Variants in NRDE2 observed in about 807,000 individuals in gnomAD.
NRDE2 encodes the protein NRDE-2, necessary for RNA interference, domain containing.
A neutral mutation model predicts 124.2 loss-of-function variants in NRDE2; 76 were observed. That is an observed-to-expected ratio of 0.61 (90% CI 0.51 to 0.74). The LOEUF (loss-of-function observed/expected upper bound fraction) is 0.74, where lower values mean the gene tolerates loss of function less well. Ranked by LOEUF, NRDE2 falls within the 30% of genes least tolerant of loss-of-function variation. The pLI is 0.00. For missense variants in NRDE2, 1,314 were observed against 1,417.3 expected (o/e 0.93, Z 1.17); for synonymous variants, 489 against 528.1 (o/e 0.93, Z 1.01).
rs1891718785 is a variant in NRDE2 at position 90,273,409 on chromosome 14, T to A, written c.*4927A>T. 3.3e-5 allele frequency: 5 copies of A among 151,850 alleles called. No homozygotes were observed. Among genetic ancestry groups the A allele is most frequent in the Admixed American group, 3.3e-4 (5 of 15,240 alleles). 9.4% of individuals were successfully genotyped at this position (151,850 alleles called of 1,614,324 possible). A position where few individuals can be genotyped will look rare whatever the true frequency, so the allele number is the denominator to read the frequency against. On this transcript the variant is annotated 3_prime_UTR_variant, in exon 14 of 14. Coordinates refer to ENST00000354366, the MANE Select transcript of NRDE2 (RefSeq NM_017970.4). The stretch of plus-strand genomic sequence containing the variant: ...CCCATCTTTACTAAAAATACAAAAA[T>A]TAGCTGTGCGTGGTGGCAGGTGCCT...
At chr14:90,316,320 C>T (rs1324243761) in intron 3 of NRDE2, among the ~76,000 whole-genome samples, 1 of 152,206 alleles carries the variant, frequency 6.6e-6, no homozygotes, top group Non-Finnish European at 1.5e-5. Flanking sequence ...CACTGTGGCA[C>T]ATCTGCCATC....
At chr14:90,309,982 T>G (rs1283115051) in intron 4 of NRDE2, among the ~76,000 whole-genome samples, 1 of 152,136 alleles carries the variant, frequency 6.6e-6, no homozygotes, top group Non-Finnish European at 1.5e-5. Context: ...GAGCCACTCT[T>G]TGTTAGTACA....
At chr14:90,294,789 T>C (rs1327819139) in intron 8 of NRDE2, among the ~76,000 whole-genome samples, 2 of 152,212 alleles carry the variant, frequency 1.3e-5, no homozygotes, top group African/African-American at 4.8e-5. Flanking sequence ...GTACTTAATG[T>C]CACTCAACTG....
chr14:90,282,380 G>A (rs922941589), intron 12 of NRDE2, among the ~76,000 whole-genome samples: 6 of 151,940 alleles, frequency 3.9e-5, no homozygotes, highest in African/African-American at 1.5e-4. Flanking sequence ...GGAGGCTGAC[G>A]TGAGAGGATT....
Position 90,298,315 on chromosome 14 carries a change from G to T in NRDE2, c.1611C>A (p.Gly537=). The change falls in exon 8 of 14, where the codon GGC becomes GGA. Residue 537 remains glycine (G), a synonymous_variant. Coordinates refer to ENST00000354366, the MANE Select transcript of NRDE2 (RefSeq NM_017970.4). ...EPRAGEKGAR[G]WKAWMHQQER... is the part of the protein sequence containing the mutation. ...CCTGCTGGTGCATCCACGCCTTCCA[G>T]CCTCGGGCTCCCTTCTCCCCAGCCC... is the stretch of plus-strand genomic sequence containing the variant. 6.2e-7 allele frequency: 1 copy of T among 1,613,736 alleles called. No individual in the cohort carries two copies. Among genetic ancestry groups the T allele is most frequent in the Non-Finnish European group, 8.5e-7 (1 of 1,179,966 alleles).
chr14:90,301,695 T>C (rs1305979731), intron 6 of NRDE2: 7 of 454,118 alleles, frequency 1.5e-5, no homozygotes, highest in Admixed American at 5.0e-5. Context: ...AGAAAAATTA[T>C]AGAAAAAGGA....
intron 6 of NRDE2, among the ~76,000 whole-genome samples, chr14:90,302,349 T>C (rs1489212442): frequency 6.6e-6 from 1 of 152,228 alleles, no homozygotes; most frequent in Non-Finnish European, 1.5e-5. Flanking sequence ...TATGCAGTGG[T>C]TCCCAGTCAG....
At chr14:90,280,979 C>T (rs1477829549) in intron 12 of NRDE2, 1 of 152,272 alleles carries the variant, frequency 6.6e-6, no homozygotes, top group Non-Finnish European at 1.5e-5. Context: ...AATGGAGGAG[C>T]AGAACTGCCG....
Position 90,273,692 on chromosome 14 carries a change from C to T in NRDE2, c.*4644G>A, listed in dbSNP as rs1208036651. The T allele has an allele frequency of 6.5e-6, 1 of 153,816 alleles. No individual in the cohort carries two copies. Among genetic ancestry groups the T allele is most frequent in the African/African-American group, 2.4e-5 (1 of 41,506 alleles). The allele number at this position is 153,816 out of a possible 1,614,324, so 9.5% of individuals were successfully genotyped here. On this transcript the variant is annotated 3_prime_UTR_variant, in exon 14 of 14. Coordinates refer to ENST00000354366, the MANE Select transcript of NRDE2 (RefSeq NM_017970.4). ...CCCTCTGGCGTCTCTAAGGGAGAAT[C>T]CGTTTCCTTGCTGAGGATTATTGTT...
rs200936635 is a variant in NRDE2 at position 90,325,823 on chromosome 14, AG to A, written c.64+6017del. The stretch of plus-strand genomic sequence containing the variant: ...ATTTCAGGTGTAAGCCACTGTGCCC[AG>A]CCCTTGGCCTAACTTTTAATGGTAG... On this transcript the variant is annotated intron_variant, in intron 1 of 13. Coordinates refer to ENST00000354366, the MANE Select transcript of NRDE2 (RefSeq NM_017970.4). Among the ~76,000 whole-genome samples the A allele has an allele frequency of 6.4e-4, 97 of 152,224 alleles. No individual in the cohort carries two copies. The East Asian group carries it at 0.017, about 27-fold the overall frequency.
At position 90,269,292 on chromosome 14, in the gene NRDE2, G is replaced by A. The variant is rs893010999; in HGVS notation, c.*9044C>T. The A allele has an allele frequency of 1.0e-6, 1 of 999,050 alleles. No individual in the cohort carries two copies. The highest frequency in any genetic ancestry group is 1.5e-6 in the Non-Finnish European group (1 of 687,376). 61.9% of individuals were successfully genotyped at this position (999,050 alleles called of 1,614,324 possible). ...AGGGAGTGCCATGTGAGTTGAAACA[G>A]GAATGTTTGTTAAGGTGTTTTGTCA... On this transcript the variant is annotated 3_prime_UTR_variant, in exon 14 of 14. Transcript: ENST00000354366.
rs567241600 is a variant in NRDE2, at chr14:90,278,303, C to A, written c.*33G>T. 158 of 1,613,256 alleles carry A rather than the reference C, an allele frequency of 9.8e-5. 1 individual carries two copies. The South Asian group carries it at 1.6e-3, about 17-fold the overall frequency. On this transcript the variant is annotated 3_prime_UTR_variant, in exon 14 of 14. Transcript: ENST00000354366. ...TAGCTCCGCAGGGTGGGCAACTTGG[C>A]CTCGCAGGCACAGCCCGTTTTCCCG...
At chr14:90,289,419 C>A (rs1416505160) in intron 10 of NRDE2, among the ~76,000 whole-genome samples, 1 of 152,168 alleles carries the variant, frequency 6.6e-6, no homozygotes, top group South Asian at 2.1e-4. Context: ...GATGTGGCCA[C>A]AACATTTCAA....
chr14:90,300,013 C>T (rs1884334856), intron 7 of NRDE2, among the ~76,000 whole-genome samples: 1 of 152,172 alleles, frequency 6.6e-6, no homozygotes, highest in African/African-American at 2.4e-5. Flanking sequence ...TTTGGAATCA[C>T]ATGTGCTATT....
In NRDE2 at chr14:90,289,143, G is replaced by T; in HGVS notation, c.2232C>A (p.Val744=). ...TGTTTTTAGTGTGCAGGCACCAAAT[G>T]ACCTACAGGGAAAAAGAGAAGAATG... ...FSWLQYEIAK[V]IWCLHTKNKK... The change falls in exon 11 of 14, where the codon GTC becomes GTA. Residue 744 remains valine, a splice_region_variant and synonymous_variant. Coordinates refer to ENST00000354366, the MANE Select transcript of NRDE2 (RefSeq NM_017970.4). 1.9e-6 allele frequency: 3 copies of T among 1,589,992 alleles called. No individual in the cohort carries two copies. Among genetic ancestry groups the T allele is most frequent in the Non-Finnish European group, 2.6e-6 (3 of 1,163,544 alleles).
In NRDE2 at chr14:90,288,921, A is replaced by C; in HGVS notation, c.2454T>G (p.Ser818=). The change falls in exon 11 of 14, where the codon TCT becomes TCG. Residue 818 remains serine, a synonymous_variant. Transcript: ENST00000354366. ...AGAGCAGACTGAGCTCACAGAGGTCAGAGTCTTTCAGTTCTCTGCTTCCTG... is the reference window on the plus strand; with the variant it reads ...AGAGCAGACTGAGCTCACAGAGGTCCGAGTCTTTCAGTTCTCTGCTTCCTG... ...GMAGSRELKD[S]DLCELSLLYA... 2.5e-6 allele frequency: 4 copies of C among 1,613,340 alleles called. No individual in the cohort carries two copies. Among genetic ancestry groups the C allele is most frequent in the Non-Finnish European group, 3.4e-6 (4 of 1,179,282 alleles).
intron 4 of NRDE2, 111 bp from the exon 5 acceptor site, chr14:90,304,493 C>T (rs756696381): frequency 8.8e-6 from 6 of 681,510 alleles, no homozygotes; most frequent in African/African-American, 1.8e-5. Context: ...TGCATATAAC[C>T]AAATTCACCT....
At chr14:90,327,563 A>C (rs1217560864) in intron 1 of NRDE2, among the ~76,000 whole-genome samples, 1 of 152,104 alleles carries the variant, frequency 6.6e-6, no homozygotes, top group Non-Finnish European at 1.5e-5. Context: ...AAAAGAAAAA[A>C]AAAAAAAGCC....
At position 90,289,861 on chromosome 14, in the gene NRDE2, T is replaced by C. The variant is rs531869012; in HGVS notation, c.2229+360A>G. Reference sequence around the variant, plus strand: ...CCTCGGCCTCCCAAAGTGCTGGGATTACAGGCGTGAGCCACCGCGCCTGAC... The same window carrying C: ...CCTCGGCCTCCCAAAGTGCTGGGATCACAGGCGTGAGCCACCGCGCCTGAC... On this transcript the variant is annotated intron_variant, in intron 10 of 13. Coordinates refer to ENST00000354366, the MANE Select transcript of NRDE2 (RefSeq NM_017970.4). Among the ~76,000 whole-genome samples, 3 of 152,358 alleles carry C rather than the reference T, an allele frequency of 2.0e-5. No homozygotes were observed. The South Asian group carries it at 6.2e-4, about 32-fold the overall frequency.
Sources: gnomAD v4.1 joint callset for allele counts (sites outside exome capture counted in the v4.1 genomes callset) on GRCh38, gnomAD v4.1.1 for gene constraint, MANE v1.5 for transcripts, NCBI Gene and HGNC (gene_info 2026-07-23, HGNC 2026-07-21) for gene names.